FBXO30: variants seen among roughly 807,000 people sequenced by gnomAD.
FBXO30 encodes the protein F-box protein 30.
FBXO30 carries 21 observed loss-of-function variants against 58.1 expected under a neutral mutation model. The observed-to-expected ratio is 0.36, with a 90% CI of 0.26 to 0.52. The LOEUF is 0.52. Among genes scored for constraint, FBXO30 ranks in the 20% least tolerant of loss-of-function variants. The probability of loss-of-function intolerance (pLI) is 0.93; values close to 1 mark genes in which losing one functional copy is unlikely to be tolerated. For missense variants in FBXO30, 744 were observed against 897.3 expected (o/e 0.83, Z 2.18); for synonymous variants, 309 against 312.4 (o/e 0.99, Z 0.11).
chr6:145,796,806 A>T lies in FBXO30; in HGVS notation c.*3300T>A, dbSNP rs985589984. The T allele has an allele frequency of 1.3e-5, 2 of 151,984 alleles. No homozygotes were observed. The highest frequency in any genetic ancestry group is 2.9e-5 in the Non-Finnish European group (2 of 67,914). The allele number at this position is 151,984 out of a possible 1,614,324, so 9.4% of individuals were successfully genotyped here. ...TATCGATATAGTAATATAAACTACC[A>T]TATCTTCAAGGGATATGGAAGTTTT... is the stretch of plus-strand genomic sequence containing the variant. On this transcript the variant is annotated 3_prime_UTR_variant, in exon 3 of 3. Transcript: ENST00000237281.
chr6:145,805,733 T>G lies in FBXO30; in HGVS notation c.673A>C (p.Arg225=). 1 of 1,614,096 alleles carries G rather than the reference T, an allele frequency of 6.2e-7. No homozygotes were observed. Among genetic ancestry groups the G allele is most frequent in the Non-Finnish European group, 8.5e-7 (1 of 1,179,974 alleles). ...AAGTTTTGATCCTCTAAGCTTTCTCTCGCATTTTGCTGTTCATCCATGTCA... is the reference window on the plus strand; with the variant it reads ...AAGTTTTGATCCTCTAAGCTTTCTCGCGCATTTTGCTGTTCATCCATGTCA... ...PNDMDEQQNA[R]ESLEDQNLKD... Residue 225 remains arginine (R), a synonymous_variant, in exon 2 of 3, where the codon AGA becomes CGA. Coordinates refer to ENST00000237281, the MANE Select transcript of FBXO30 (RefSeq NM_032145.5).
At chr6:145,811,398 T>C (rs1174627916) in intron 1 of FBXO30, among the ~76,000 whole-genome samples, 3 of 152,182 alleles carry the variant, frequency 2.0e-5, no homozygotes, top group Non-Finnish European at 4.4e-5. Context: ...GCATTATATA[T>C]GGAGTAGGAC....
Position 145,805,707 on chromosome 6 carries a change from C to A in FBXO30, c.699G>T (p.Leu233Phe), listed in dbSNP as rs1275495845. ...NARESLEDQN[L>F]KDQDHLYEEE... ...CCTCATAAAGATGATCTTGGTCTTT[C>A]AAGTTTTGATCCTCTAAGCTTTCTC... The change falls in exon 2 of 3, where the codon TTG becomes TTT. Residue 233 changes from leucine (L) to phenylalanine (F), a missense_variant. Physicochemically the swap from Leu to Phe is conservative, Grantham distance 22. Coordinates refer to ENST00000237281, the MANE Select transcript of FBXO30 (RefSeq NM_032145.5). 1 of 1,614,050 alleles carries A rather than the reference C, an allele frequency of 6.2e-7. No individual in the cohort carries two copies. Among genetic ancestry groups the A allele is most frequent in the Admixed American group, 1.7e-5 (1 of 60,000 alleles).
chr6:145,804,391 G>A lies in FBXO30; in HGVS notation c.2015C>T (p.Ser672Leu). ...GKRKYPEGNS[S>L]WQIKEKVWRF... ...ACTAACCTTTTCTTTTATCTGCCAT[G>A]ATGAATTTCCTTCTGGATACTTCCT... Residue 672 changes from serine (S) to leucine (L), a missense_variant, in exon 2 of 3, where the codon TCA (serine) becomes TTA (leucine). Physicochemically the swap from Ser to Leu is moderately radical, Grantham distance 145. Transcript: ENST00000237281. The A allele has an allele frequency of 1.2e-6, 2 of 1,612,420 alleles. No individual in the cohort carries two copies. The highest frequency in any genetic ancestry group is 8.5e-7 in the Non-Finnish European group (1 of 1,179,206).
Position 145,804,564 on chromosome 6 carries a change from A to G in FBXO30, c.1842T>C (p.Ser614=). The G allele has an allele frequency of 2.5e-6, 4 of 1,613,734 alleles. No individual in the cohort carries two copies. The highest frequency in any genetic ancestry group is 3.4e-6 in the Non-Finnish European group (4 of 1,179,824). The part of the protein sequence containing the change: ...CVLGLHNDHL[S]SLPFEVLQHI... ...GCTGCAGGACCTCAAAAGGAAGACT[A>G]CTTAGATGGTCATTATGTAATCCCA... The change falls in exon 2 of 3, where the codon AGT becomes AGC. Residue 614 remains serine, a synonymous_variant. Coordinates refer to ENST00000237281, the MANE Select transcript of FBXO30 (RefSeq NM_032145.5).
At chr6:145,800,381 C>T (rs920693369) in intron 2 of FBXO30, 72 bp from the exon 3 acceptor site, 1 of 1,227,446 alleles carries the variant, frequency 8.1e-7, no homozygotes, top group Non-Finnish European at 1.2e-6. Context: ...TTTGCTCCTA[C>T]TGCATACATT....
chr6:145,814,667 G>C lies in FBXO30; in HGVS notation c.-81C>G, dbSNP rs140230148. 6.6e-6 allele frequency: 1 copy of C among 152,140 alleles called. No homozygotes were observed. Among genetic ancestry groups the C allele is most frequent in the Admixed American group, 6.6e-5 (1 of 15,246 alleles). 9.4% of individuals were successfully genotyped at this position (152,140 alleles called of 1,614,324 possible). A position where few individuals can be genotyped will look rare whatever the true frequency, so the allele number is the denominator to read the frequency against. On this transcript the variant is annotated 5_prime_UTR_variant, in exon 1 of 3. Transcript: ENST00000237281. Reference sequence around the variant, plus strand: ...CCTGGACGCCGTGCCCAGCTGCTCCGCTCTGTCCCGGCGACGCTCCGTACC... The same window carrying C: ...CCTGGACGCCGTGCCCAGCTGCTCCCCTCTGTCCCGGCGACGCTCCGTACC...
In FBXO30 at chr6:145,800,085, G is replaced by A; in HGVS notation, c.*21C>T. 6.4e-7 allele frequency: 1 copy of A among 1,571,102 alleles called. No individual in the cohort carries two copies. Among genetic ancestry groups the A allele is most frequent in the Non-Finnish European group, 8.8e-7 (1 of 1,142,230 alleles). On this transcript the variant is annotated 3_prime_UTR_variant, in exon 3 of 3. Coordinates refer to ENST00000237281, the MANE Select transcript of FBXO30 (RefSeq NM_032145.5). Reference sequence around the variant, plus strand: ...AATTATACTAGGTGCTTGCATATATGTGCTAGTAATATTACAACTTTTAAA... The same window carrying A: ...AATTATACTAGGTGCTTGCATATATATGCTAGTAATATTACAACTTTTAAA...
Position 145,799,915 on chromosome 6 carries a change from C to T in FBXO30, c.*191G>A, listed in dbSNP as rs1472546687. ...TCCAGCAAGTTCCAAAAATTTCACA[C>T]ATTTCAAACATTAAGGCAACTTTTT... On this transcript the variant is annotated 3_prime_UTR_variant, in exon 3 of 3. Transcript: ENST00000237281. The T allele has an allele frequency of 1.4e-5, 6 of 430,568 alleles. No individual in the cohort carries two copies. Among genetic ancestry groups the T allele is most frequent in the Admixed American group, 8.4e-5 (2 of 23,694 alleles). The allele number at this position is 430,568 out of a possible 1,614,324, so 26.7% of individuals were successfully genotyped here.
chr6:145,808,451 C>T (rs888922580), intron 1 of FBXO30, among the ~76,000 whole-genome samples: 1 of 152,080 alleles, frequency 6.6e-6, no homozygotes, highest in African/African-American at 2.4e-5. Context: ...GATGTCACTC[C>T]AGTCTTTCTC....
rs1777874373 is a variant in FBXO30 at position 145,796,780 on chromosome 6, T to G, written c.*3326A>C. ...AGTCAAATCTCCACAGGCAAAACTG[T>G]TATCGATATAGTAATATAAACTACC... On this transcript the variant is annotated 3_prime_UTR_variant, in exon 3 of 3. Coordinates refer to ENST00000237281, the MANE Select transcript of FBXO30 (RefSeq NM_032145.5). 1 of 151,986 alleles carries G rather than the reference T, an allele frequency of 6.6e-6. No individual in the cohort carries two copies. The highest frequency in any genetic ancestry group is 1.5e-5 in the Non-Finnish European group (1 of 67,918). The allele number at this position is 151,986 out of a possible 1,614,324, so 9.4% of individuals were successfully genotyped here.
intron 1 of FBXO30, among the ~76,000 whole-genome samples, chr6:145,813,353 A>G (rs945223785): frequency 1.3e-5 from 2 of 152,152 alleles, no homozygotes; most frequent in African/African-American, 4.8e-5. Flanking sequence ...TCACGGCATT[A>G]AAGTGCTAGG....
intron 1 of FBXO30, among the ~76,000 whole-genome samples, chr6:145,811,507 T>G (rs1778333214): frequency 6.6e-6 from 1 of 152,198 alleles, no homozygotes; most frequent in African/African-American, 2.4e-5. Flanking sequence ...GGAGGAAGCA[T>G]TTACCTTATA....
At chr6:145,806,711 T>G (rs1462237678) in intron 1 of FBXO30, among the ~76,000 whole-genome samples, 1 of 152,206 alleles carries the variant, frequency 6.6e-6, no homozygotes, top group Non-Finnish European at 1.5e-5. Flanking sequence ...ATATACTATT[T>G]AAATTCTAAT....
rs1464914087 is a variant in FBXO30, at chr6:145,805,087, C to A, written c.1319G>T (p.Gly440Val). The A allele has an allele frequency of 1.9e-6, 3 of 1,614,054 alleles. No individual in the cohort carries two copies. In the South Asian group the frequency reaches 3.3e-5, roughly 18 times the overall value. ...CATGCGGCTATCAGATATACCCCTC[C>A]CTCCTGGAGAATCTCCTAGACAAAA... is the stretch of plus-strand genomic sequence containing the variant. The part of the protein sequence containing the change: ...LLFCLGDSPG[G>V]RGISDSRMAD... Residue 440 changes from glycine (G) to valine (V), a missense_variant, in exon 2 of 3, where the codon GGG becomes GTG. Coordinates refer to ENST00000237281, the MANE Select transcript of FBXO30 (RefSeq NM_032145.5).
rs1346996977 is a variant in FBXO30 at position 145,797,607 on chromosome 6, G to A, written c.*2499C>T. On this transcript the variant is annotated 3_prime_UTR_variant, in exon 3 of 3. Coordinates refer to ENST00000237281, the MANE Select transcript of FBXO30 (RefSeq NM_032145.5). ...TTCCTAGGTGTTGATGTTCCTGCTGGTCCAAGGACCACACTTTAGGAACCA... is the reference window on the plus strand; with the variant it reads ...TTCCTAGGTGTTGATGTTCCTGCTGATCCAAGGACCACACTTTAGGAACCA... 1.3e-5 allele frequency: 2 copies of A among 151,962 alleles called. No individual in the cohort carries two copies. Among genetic ancestry groups the A allele is most frequent in the Non-Finnish European group, 2.9e-5 (2 of 67,950 alleles). 9.4% of individuals were successfully genotyped at this position (151,962 alleles called of 1,614,324 possible).
chr6:145,800,840 A>G (rs1419123592), intron 2 of FBXO30, among the ~76,000 whole-genome samples: 2 of 152,158 alleles, frequency 1.3e-5, no homozygotes, highest in Admixed American at 1.3e-4. Context: ...ACAAGTACTA[A>G]AGGTACTTAG....
In FBXO30 at chr6:145,805,737, A is replaced by G; in HGVS notation, c.669T>C (p.Asn223=). Residue 223 remains asparagine, a synonymous_variant, in exon 2 of 3, where the codon AAT becomes AAC. Transcript: ENST00000237281. ...SVPNDMDEQQ[N]ARESLEDQNL... ...TTTGATCCTCTAAGCTTTCTCTCGC[A>G]TTTTGCTGTTCATCCATGTCATTTG... The G allele has an allele frequency of 6.2e-7, 1 of 1,614,006 alleles. No homozygotes were observed. The highest frequency in any genetic ancestry group is 1.1e-5 in the South Asian group (1 of 91,078).
At chr6:145,813,561 C>G (rs1415376880) in intron 1 of FBXO30, among the ~76,000 whole-genome samples, 1 of 152,168 alleles carries the variant, frequency 6.6e-6, no homozygotes, top group Non-Finnish European at 1.5e-5. Flanking sequence ...AATTGGACTG[C>G]TTTGGAAAAC....
Sources: gnomAD v4.1 joint callset for allele counts (sites outside exome capture counted in the v4.1 genomes callset) on GRCh38, gnomAD v4.1.1 for gene constraint, MANE v1.5 for transcripts, NCBI Gene and HGNC (gene_info 2026-07-23, HGNC 2026-07-21) for gene names.